RANBP17: variants seen among roughly 807,000 people sequenced by gnomAD.
RANBP17 encodes RAN binding protein 17, also known as ran-binding protein 17.
In RANBP17, 158 loss-of-function variants were observed where a neutral mutation model predicts 141.2. That is an observed-to-expected ratio of 1.12 (90% CI 0.98 to 1.28). RANBP17 has a LOEUF of 1.28. Among genes scored for constraint, RANBP17 ranks in the 50% most tolerant of loss-of-function variants. RANBP17 has a pLI of 0.00. For synonymous variants in RANBP17, 430 were observed against 450.0 expected, an observed-to-expected ratio of 0.96 and a Z score of 0.56; for missense variants, 1,438 against 1,290.7, an observed-to-expected ratio of 1.11 and a Z score of -1.75.
At chr5:170,941,461 A>G (rs1359038957) in intron 12 of RANBP17, among the ~76,000 whole-genome samples, 1 of 152,172 alleles carries the variant, frequency 6.6e-6, no homozygotes, top group Non-Finnish European at 1.5e-5. Flanking sequence ...AGAGGTCAAT[A>G]AATGAGGAAA....
At chr5:170,987,358 G>A (rs2127559558) in intron 14 of RANBP17, among the ~76,000 whole-genome samples, 1 of 151,532 alleles carries the variant, frequency 6.6e-6, no homozygotes, top group Non-Finnish European at 1.5e-5. Context: ...ATCATAATCA[G>A]TTTTTGTAAT....
At chr5:171,200,712 A>G (rs1326394904) in intron 19 of RANBP17, among the ~76,000 whole-genome samples, 1 of 152,186 alleles carries the variant, frequency 6.6e-6, no homozygotes, top group Non-Finnish European at 1.5e-5. Flanking sequence ...AAACAAAAAA[A>G]CTAACAGTAA....
chr5:171,001,553 G>A (rs1779202585), intron 14 of RANBP17, among the ~76,000 whole-genome samples: 1 of 152,110 alleles, frequency 6.6e-6, no homozygotes, highest in Admixed American at 6.6e-5. Context: ...AGCTTAAATG[G>A]GCTGTACTCT....
chr5:171,093,638 T>C (rs1376235176), intron 14 of RANBP17, among the ~76,000 whole-genome samples: 1 of 152,248 alleles, frequency 6.6e-6, no homozygotes, highest in Non-Finnish European at 1.5e-5. Context: ...CTGTATTTTT[T>C]AATGACTACA....
chr5:171,242,566 A>G (rs1764947485), intron 23 of RANBP17, 116 bp from the exon 24 acceptor site: 1 of 1,062,418 alleles, frequency 9.4e-7, no homozygotes, highest in Admixed American at 2.3e-5. Flanking sequence ...ATATTTATTG[A>G]CCTTGTGTTT....
chr5:170,956,971 G>A (rs1173994962), intron 13 of RANBP17, among the ~76,000 whole-genome samples: 1 of 151,650 alleles, frequency 6.6e-6, no homozygotes, highest in African/African-American at 2.4e-5. Flanking sequence ...TCTGGAGGCT[G>A]AGGCGGGAGA....
rs761399877 is a variant in RANBP17, at chr5:171,298,831, AC to A, written c.3242del (p.Pro1081HisfsTer6). On this transcript the variant is annotated frameshift_variant, in exon 28 of 28. Coordinates refer to ENST00000523189, the MANE Select transcript of RANBP17 (RefSeq NM_022897.5). LOFTEE classifies it high-confidence loss of function. Reference sequence around the variant, plus strand: ...CGTTGCGCAGTGATGGCAACACTGAACCATGCAGTCTCGACATGATGAGCTG... The same window carrying A: ...CGTTGCGCAGTGATGGCAACACTGAACATGCAGTCTCGACATGATGAGCTG... ...EALRSDGNTE[P>X]CSLDMMS The A allele has an allele frequency of 1.9e-6, 3 of 1,614,154 alleles. No homozygotes were observed. In the South Asian group the frequency reaches 3.3e-5, roughly 18 times the overall value.
chr5:171,118,080 A>G (rs1201465542), intron 14 of RANBP17, among the ~76,000 whole-genome samples: 1 of 151,970 alleles, frequency 6.6e-6, no homozygotes, highest in Non-Finnish European at 1.5e-5. Context: ...TATTTTCCAG[A>G]CCAATGTCCT....
chr5:171,166,844 A>G (rs537703455), intron 14 of RANBP17, among the ~76,000 whole-genome samples: 1 of 152,334 alleles, frequency 6.6e-6, no homozygotes, highest in African/African-American at 2.4e-5. Context: ...ACACATGAAA[A>G]CAAATCAGAT....
At chr5:170,914,677 G>C (rs1481317466) in intron 8 of RANBP17, among the ~76,000 whole-genome samples, 1 of 152,138 alleles carries the variant, frequency 6.6e-6, no homozygotes, top group African/African-American at 2.4e-5. Flanking sequence ...AAGAAATGAA[G>C]GGGATCTACT....
At chr5:171,157,025 C>A (rs914651121) in intron 14 of RANBP17, among the ~76,000 whole-genome samples, 4 of 152,112 alleles carry the variant, frequency 2.6e-5, no homozygotes, top group African/African-American at 9.7e-5. Context: ...TCTCACATTA[C>A]AGCACTGTAA....
intron 14 of RANBP17, among the ~76,000 whole-genome samples, chr5:171,104,163 G>C (rs189012691): frequency 2.0e-5 from 3 of 152,060 alleles, no homozygotes; most frequent in African/African-American, 4.8e-5. Context: ...TCAGCCTTTC[G>C]AGTAGCTGGG....
At chr5:171,026,918 G>C (rs1315914257) in intron 14 of RANBP17, among the ~76,000 whole-genome samples, 3 of 152,162 alleles carry the variant, frequency 2.0e-5, no homozygotes, top group Admixed American at 1.3e-4. Context: ...AGCGGTGCGT[G>C]AGAAACATTA....
intron 14 of RANBP17, among the ~76,000 whole-genome samples, chr5:171,085,489 A>C (rs1232493388): frequency 3.6e-5 from 2 of 54,878 alleles, no homozygotes; most frequent in African/African-American, 1.2e-4. Context: ...GTTTTTTCCA[A>C]TTCTGTGAAG....
In RANBP17 at chr5:171,243,822, C is replaced by G. The variant is rs1019466703; in HGVS notation, c.2776+1002C>G. Among the ~76,000 whole-genome samples the G allele has an allele frequency of 5.6e-4, 85 of 150,786 alleles. 2 individuals are homozygous for G. Among genetic ancestry groups the G allele is most frequent in the Non-Finnish European group, 3.0e-5 (2 of 67,262 alleles). ...GGGCGCGGTGGCTCAGCCTGTAATC[C>G]CAGCACTTTGGGAGGCTGAGGCGGG... is the stretch of plus-strand genomic sequence containing the variant. On this transcript the variant is annotated intron_variant, in intron 24 of 27. Coordinates refer to ENST00000523189, the MANE Select transcript of RANBP17 (RefSeq NM_022897.5).
At chr5:170,954,709 T>C (rs796107896) in intron 13 of RANBP17, among the ~76,000 whole-genome samples, 14 of 152,310 alleles carry the variant, frequency 9.2e-5, no homozygotes, top group African/African-American at 3.4e-4. Context: ...ATATACTAAA[T>C]TGTTTTTAGT....
chr5:171,149,551 A>G (rs913370997), intron 14 of RANBP17, among the ~76,000 whole-genome samples: 7 of 152,228 alleles, frequency 4.6e-5, no homozygotes, highest in Non-Finnish European at 2.9e-5. Context: ...GTTTCATTAC[A>G]CATCTGGTAA....
At chr5:170,971,605 C>G (rs1291290736) in intron 14 of RANBP17, among the ~76,000 whole-genome samples, 1 of 152,146 alleles carries the variant, frequency 6.6e-6, no homozygotes, top group Admixed American at 6.5e-5. Flanking sequence ...AACTCACTAT[C>G]TTTTAGAACT....
At chr5:171,184,891 G>A (rs528986141) in intron 18 of RANBP17, among the ~76,000 whole-genome samples, 3 of 152,226 alleles carry the variant, frequency 2.0e-5, no homozygotes, top group African/African-American at 2.4e-5. Flanking sequence ...GGCCAGGTGC[G>A]GTGGCTCACA....
Sources: allele counts gnomAD v4.1 joint callset (sites outside exome capture counted in the v4.1 genomes callset), GRCh38; gene constraint gnomAD v4.1.1; transcripts MANE v1.5; gene names NCBI Gene and HGNC (gene_info 2026-07-23, HGNC 2026-07-21).